Variants in GABRR1 observed in about 807,000 individuals in gnomAD.
GABRR1 encodes the protein gamma-aminobutyric acid receptor subunit rho-1.
GABRR1 carries 59 observed loss-of-function variants against 55.5 expected under a neutral mutation model. That is an observed-to-expected ratio of 1.06 (90% CI 0.86 to 1.32). GABRR1 has a LOEUF of 1.32. Among genes scored for constraint, GABRR1 ranks in the 40% most tolerant of loss-of-function variants. The pLI is 0.00. For missense variants in GABRR1, 602 were observed against 619.1 expected, an observed-to-expected ratio of 0.97 and a Z score of 0.29; for synonymous variants, 213 against 226.0, an observed-to-expected ratio of 0.94 and a Z score of 0.51.
upstream of GABRR1, among the ~76,000 whole-genome samples, chr6:89,217,932 C>T (rs781408606): frequency 2.7e-4 from 41 of 152,192 alleles, no homozygotes; most frequent in Admixed American, 5.2e-4. Flanking sequence ...CTTTGTTTGG[C>T]GCAGAAACAA....
chr6:89,216,548 G>A (rs1772986908), intron 1 of GABRR1, among the ~76,000 whole-genome samples: 1 of 152,130 alleles, frequency 6.6e-6, no homozygotes, highest in African/African-American at 2.4e-5. Flanking sequence ...CCCAGGTGAG[G>A]CCGAGTGCTA....
intron 6 of GABRR1, among the ~76,000 whole-genome samples, chr6:89,187,430 T>C (rs1019696082): frequency 6.6e-6 from 1 of 152,206 alleles, no homozygotes; most frequent in Non-Finnish European, 1.5e-5. Context: ...TATTCTCCCA[T>C]TCGTGGGTTG....
At chr6:89,218,801 G>A (rs1486340414), upstream of GABRR1, among the ~76,000 whole-genome samples, 1 of 152,300 alleles carries the variant, frequency 6.6e-6, no homozygotes, top group East Asian at 1.9e-4. Flanking sequence ...CGTAGGTCCA[G>A]TTTATAGTGT....
intron 5 of GABRR1, among the ~76,000 whole-genome samples, chr6:89,194,523 G>A (rs1313461760): frequency 6.6e-6 from 1 of 152,074 alleles, no homozygotes; most frequent in African/African-American, 2.4e-5. Context: ...CAGGGAATTA[G>A]GACCTCCCCA....
At chr6:89,204,832 A>C (rs1274498924) in intron 1 of GABRR1, 3 of 261,780 alleles carry the variant, frequency 1.1e-5, no homozygotes, top group East Asian at 1.1e-4. Context: ...GAGAAGATGA[A>C]TATAACTCAG....
At chr6:89,183,480 G>T (rs905985881) in intron 7 of GABRR1, among the ~76,000 whole-genome samples, 1 of 132,572 alleles carries the variant, frequency 7.5e-6, no homozygotes, top group East Asian at 2.0e-4. Flanking sequence ...GTGCTTCCCT[G>T]TGCAGTCAAT....
At chr6:89,195,427 C>T (rs1772232444) in intron 5 of GABRR1, among the ~76,000 whole-genome samples, 1 of 151,708 alleles carries the variant, frequency 6.6e-6, no homozygotes, top group South Asian at 2.1e-4. Context: ...CACGCCACTG[C>T]ACTCCAGCCT....
chr6:89,207,804 C>A (rs1772699425), intron 1 of GABRR1, among the ~76,000 whole-genome samples: 1 of 152,164 alleles, frequency 6.6e-6, no homozygotes, highest in Non-Finnish European at 1.5e-5. Context: ...AATGTTCAGC[C>A]AAAGTTGTGA....
At chr6:89,220,866 A>G (rs187103834), upstream of GABRR1, among the ~76,000 whole-genome samples, 3 of 152,130 alleles carry the variant, frequency 2.0e-5, no homozygotes, top group African/African-American at 7.2e-5. Flanking sequence ...GATTACACGC[A>G]TTCGCCACTA....
chr6:89,221,784 G>A (rs1483429496), upstream of GABRR1, among the ~76,000 whole-genome samples: 1 of 152,114 alleles, frequency 6.6e-6, no homozygotes, highest in Non-Finnish European at 1.5e-5. Flanking sequence ...AAATAAAAAG[G>A]CAAAGGAAAG....
At chr6:89,191,911 A>G (rs1772101669) in intron 5 of GABRR1, among the ~76,000 whole-genome samples, 1 of 152,082 alleles carries the variant, frequency 6.6e-6, no homozygotes, top group African/African-American at 2.4e-5. Flanking sequence ...GCGTAGTGGC[A>G]TGCACCTGTA....
chr6:89,186,581 T>G (rs1464966174), intron 6 of GABRR1, among the ~76,000 whole-genome samples: 1 of 152,232 alleles, frequency 6.6e-6, no homozygotes, highest in Non-Finnish European at 1.5e-5. Context: ...TGGTTCTGTT[T>G]ATCTGGCGGA....
At chr6:89,196,830 A>G (rs757492435) in intron 5 of GABRR1, among the ~76,000 whole-genome samples, 8 of 89,552 alleles carry the variant, frequency 8.9e-5, no homozygotes, top group South Asian at 3.4e-4. Flanking sequence ...AAGGAAAGAA[A>G]GAAAGAAAGA....
chr6:89,190,753 C>A (rs1224391342), intron 5 of GABRR1, among the ~76,000 whole-genome samples: 1 of 152,152 alleles, frequency 6.6e-6, no homozygotes, highest in African/African-American at 2.4e-5. Context: ...ATAGTATCTA[C>A]TAGTGGGCAT....
At chr6:89,210,885 CT>C (rs1207896291) in intron 1 of GABRR1, among the ~76,000 whole-genome samples, 3 of 150,944 alleles carry the variant, frequency 2.0e-5, no homozygotes, top group Non-Finnish European at 4.4e-5. Context: ...GCTGCAGAAG[CT>C]CAGAAGTAAG....
At chr6:89,223,939 T>G (rs1450453707) in intron 1 of GABRR1, among the ~76,000 whole-genome samples, 1 of 152,078 alleles carries the variant, frequency 6.6e-6, no homozygotes, top group Non-Finnish European at 1.5e-5. Context: ...TATTTTTGTA[T>G]TTTTAATAGA....
intron 3 of GABRR1, among the ~76,000 whole-genome samples, chr6:89,200,884 T>C (rs1400023725): frequency 1.3e-5 from 2 of 152,144 alleles, no homozygotes; most frequent in Non-Finnish European, 2.9e-5. Flanking sequence ...CTCCTGCCCT[T>C]CCTACAGCCA....
intron 7 of GABRR1, among the ~76,000 whole-genome samples, chr6:89,182,390 C>T (rs1771757347): frequency 6.6e-6 from 1 of 152,176 alleles, no homozygotes; most frequent in African/African-American, 2.4e-5. Flanking sequence ...CAGCCTTGAA[C>T]TCCTGGGTGC....
chr6:89,205,167 C>G (rs1194626493), intron 1 of GABRR1, among the ~76,000 whole-genome samples: 1 of 152,126 alleles, frequency 6.6e-6, no homozygotes, highest in Non-Finnish European at 1.5e-5. Flanking sequence ...ATGTAGGAAA[C>G]TGAGATACAA....
Sources: gnomAD v4.1 joint callset for allele counts (sites outside exome capture counted in the v4.1 genomes callset) on GRCh38, gnomAD v4.1.1 for gene constraint, MANE v1.5 for transcripts, NCBI Gene and HGNC (gene_info 2026-07-23, HGNC 2026-07-21) for gene names.